The following ANK2 variants were observed in gnomAD, a reference collection of about 807,000 sequenced individuals.
The protein encoded by ANK2 is ankyrin-2.
Under a neutral mutation model 360.5 loss-of-function variants are expected in ANK2, and 83 were observed. That is an observed-to-expected ratio of 0.23 (90% CI 0.19 to 0.28). The LOEUF (loss-of-function observed/expected upper bound fraction) is 0.28, where lower values mean the gene tolerates loss of function less well. Ranked by LOEUF, ANK2 falls within the 10% of genes least tolerant of loss-of-function variation. The pLI, the probability that ANK2 is intolerant of heterozygous loss-of-function variation, is 1.00. For synonymous variants in ANK2, 1,740 were observed against 1,759.5 expected, an observed-to-expected ratio of 0.99 and a Z score of 0.28; for missense variants, 4,201 against 4,795.7, an observed-to-expected ratio of 0.88 and a Z score of 3.66.
intron 2 of ANK2, among the ~76,000 whole-genome samples, chr4:113,177,052 C>T (rs143311409): frequency 7.3e-4 from 111 of 152,204 alleles, no homozygotes; most frequent in African/African-American, 2.6e-3. Flanking sequence ...TGGGTTGGTT[C>T]CAAGTCTTTG....
At chr4:112,974,323 C>G (rs1465340016) in intron 2 of ANK2, among the ~76,000 whole-genome samples, 1 of 152,146 alleles carries the variant, frequency 6.6e-6, no homozygotes, top group East Asian at 1.9e-4. Context: ...TAAAGGGGGA[C>G]CTGCTAATTT....
chr4:112,840,389 T>C (rs899992124), intron 1 of ANK2, among the ~76,000 whole-genome samples: 4 of 152,320 alleles, frequency 2.6e-5, no homozygotes, highest in Non-Finnish European at 5.9e-5. Context: ...TTTGCCTGGC[T>C]TGAAGGTTCC....
At chr4:112,794,542 G>A in the ANK2 span, among the ~76,000 whole-genome samples, 2 of 152,198 alleles carry the variant, frequency 1.3e-5, no homozygotes, top group South Asian at 4.1e-4. Context: ...TTGTAGCAAA[G>A]TACAATATAT....
intron 1 of ANK2, among the ~76,000 whole-genome samples, chr4:113,103,484 A>G (rs2093211650): frequency 6.6e-6 from 1 of 152,186 alleles, no homozygotes; most frequent in African/African-American, 2.4e-5. Flanking sequence ...AATTAAGGAA[A>G]AGAATGTCAG....
chr4:113,061,140 G>A (rs1270069659), intron 1 of ANK2, among the ~76,000 whole-genome samples: 1 of 152,060 alleles, frequency 6.6e-6, no homozygotes, highest in East Asian at 1.9e-4. Flanking sequence ...GGATGGGTAG[G>A]AGGTCTGTTC....
chr4:113,190,332 A>G (rs1003917741), intron 2 of ANK2, among the ~76,000 whole-genome samples: 2 of 151,906 alleles, frequency 1.3e-5, no homozygotes, highest in African/African-American at 4.8e-5. Context: ...CTGGTCTTGA[A>G]CTGCTGGGCT....
intron 22 of ANK2, among the ~76,000 whole-genome samples, chr4:113,299,535 T>C (rs1003875533): frequency 6.6e-6 from 1 of 151,994 alleles, no homozygotes; most frequent in African/African-American, 2.4e-5. Context: ...TGAAGCCCCA[T>C]CTCTACTACA....
chr4:113,353,554 A>G lies in ANK2; in HGVS notation c.4936A>G (p.Thr1646Ala). ...GAACTACCTTACTGATGATCTGAATACCTGTGTGCCTCTTCCCAAAGAGCA... is the reference window on the plus strand; with the variant it reads ...GAACTACCTTACTGATGATCTGAATGCCTGTGTGCCTCTTCCCAAAGAGCA... Reference protein sequence around the residue: ...LVNYLTDDLNTCVPLPKEQLQ... With the variant: ...LVNYLTDDLNACVPLPKEQLQ... The change falls in exon 38 of 46, where the codon ACC becomes GCC. Residue 1646 changes from threonine (T) to alanine (A), a missense_variant. Thr to Ala is a moderately conservative substitution (Grantham distance 58). Around this residue, in one of 4 missense-constraint regions of ANK2, gnomAD observed 1,268 missense variants for 1,650.8 expected, o/e 0.77. Transcript: ENST00000357077. 6.2e-7 allele frequency: 1 copy of G among 1,614,076 alleles called. No homozygotes were observed. Among genetic ancestry groups the G allele is most frequent in the Non-Finnish European group, 8.5e-7 (1 of 1,179,966 alleles).
intron 1 of ANK2, among the ~76,000 whole-genome samples, chr4:113,085,800 G>A (rs1019037264): frequency 6.6e-6 from 1 of 152,064 alleles, no homozygotes; most frequent in African/African-American, 2.4e-5. Context: ...TGGAGGAAGG[G>A]GGAACTTTCC....
At position 112,861,610 on chromosome 4, in the gene ANK2, G is replaced by A. The variant is rs28673612; in HGVS notation, c.-39-42845G>A. Among the ~76,000 whole-genome samples the A allele has an allele frequency of 2.8e-3, 432 of 152,250 alleles. 3 individuals carry two copies. Among genetic ancestry groups the A allele is most frequent in the African/African-American group, 9.3e-3 (387 of 41,548 alleles). On this transcript the variant is annotated intron_variant, in intron 1 of 30. Coordinates refer to the ANK2 transcript ENST00000503271. ...CTTTGCTTTGAAGCAAGTTACTTGAGCTTATATATAAAATAGGGTATCTAC... is the reference window on the plus strand; with the variant it reads ...CTTTGCTTTGAAGCAAGTTACTTGAACTTATATATAAAATAGGGTATCTAC...
chr4:113,371,738 T>C (rs2154071037), intron 43 of ANK2, among the ~76,000 whole-genome samples: 1 of 152,342 alleles, frequency 6.6e-6, no homozygotes, highest in African/African-American at 2.4e-5. Flanking sequence ...AAATATAATT[T>C]GGTTTAGAAT....
intron 1 of ANK2, among the ~76,000 whole-genome samples, chr4:113,068,976 T>C (rs2076580065): frequency 6.6e-6 from 1 of 151,972 alleles, no homozygotes; most frequent in Non-Finnish European, 1.5e-5. Flanking sequence ...AGTGGGAGGA[T>C]TGCTTGAGCC....
chr4:113,374,202 G>A (rs2096845513), intron 45 of ANK2, among the ~76,000 whole-genome samples: 1 of 152,144 alleles, frequency 6.6e-6, no homozygotes, highest in Non-Finnish European at 1.5e-5. Context: ...AGGATTACAG[G>A]CATGAGCCAC....
intron 6 of ANK2, 123 bp downstream of exon 6, chr4:113,237,295 A>G (rs2099390923): frequency 8.2e-7 from 1 of 1,220,240 alleles, no homozygotes; most frequent in African/African-American, 1.5e-5. Context: ...AAAAGAGATA[A>G]ATGACTTTCA....
chr4:112,902,108 C>T (rs2083629960), intron 1 of ANK2, among the ~76,000 whole-genome samples: 1 of 152,074 alleles, frequency 6.6e-6, no homozygotes, highest in Non-Finnish European at 1.5e-5. Context: ...GAAGAATAAA[C>T]ATGTATGCAA....
chr4:112,910,722 C>T (rs193166487), intron 2 of ANK2, among the ~76,000 whole-genome samples: 226 of 152,196 alleles, frequency 1.5e-3, no homozygotes, highest in South Asian at 4.6e-3. Context: ...TAGAGACTTC[C>T]AGAGGAACTA....
upstream of ANK2, among the ~76,000 whole-genome samples, chr4:113,047,843 TG>T (rs1287241765): frequency 1.3e-5 from 2 of 151,800 alleles, no homozygotes; most frequent in Admixed American, 6.6e-5. Flanking sequence ...GATGATGACG[TG>T]GAGGGGCCTT....
chr4:112,724,089 G>A, the ANK2 span, among the ~76,000 whole-genome samples: 1 of 144,658 alleles, frequency 6.9e-6, no homozygotes, highest in East Asian at 2.0e-4. Context: ...TTTGGAGACA[G>A]AGTGTCGCTC....
At chr4:112,769,565 G>A in the ANK2 span, among the ~76,000 whole-genome samples, 1 of 152,112 alleles carries the variant, frequency 6.6e-6, no homozygotes. Flanking sequence ...CTTTCCATCA[G>A]TGCCCATCAA....
Sources: allele counts gnomAD v4.1 joint callset (sites outside exome capture counted in the v4.1 genomes callset), GRCh38; gene constraint gnomAD v4.1.1; regional missense constraint gnomAD v4.1.1; transcripts MANE v1.5; gene names NCBI Gene and HGNC (gene_info 2026-07-23, HGNC 2026-07-21).